NRG3: variants seen among roughly 807,000 people sequenced by gnomAD.
NRG3 encodes the protein neuregulin 3.
A neutral mutation model predicts 66.9 loss-of-function variants in NRG3; 31 were observed. The ratio of observed to expected loss-of-function variants is 0.46; its 90% CI spans 0.35 to 0.63. The LOEUF (loss-of-function observed/expected upper bound fraction) is 0.63, where lower values mean the gene tolerates loss of function less well. Ranked by LOEUF, NRG3 falls within the 20% of genes least tolerant of loss-of-function variation. NRG3 has a pLI of 0.00. For synonymous variants in NRG3, 393 were observed against 359.4 expected (o/e 1.09, Z -1.06); for missense variants, 910 against 878.9 (o/e 1.04, Z -0.45).
Position 82,922,306 on chromosome 10 carries a change from C to T in NRG3, c.1055-29163C>T, listed in dbSNP as rs115305589. Among the ~76,000 whole-genome samples, 1,260 of 152,246 alleles carry T rather than the reference C, an allele frequency of 8.3e-3. 19 individuals carry two copies. Among genetic ancestry groups the T allele is most frequent in the African/African-American group, 0.029 (1,217 of 41,550 alleles). On this transcript the variant is annotated intron_variant, in intron 4 of 8. Coordinates refer to ENST00000372141, the MANE Select transcript of NRG3 (RefSeq NM_001010848.4). ...GGTTTTACTGTTTAAGTTTTACTTCCTATTTCTCCTGAGAGTATAGAATGG... is the reference window on the plus strand; with the variant it reads ...GGTTTTACTGTTTAAGTTTTACTTCTTATTTCTCCTGAGAGTATAGAATGG...
chr10:81,973,386 TA>T (rs2060002030), intron 1 of NRG3, among the ~76,000 whole-genome samples: 1 of 152,230 alleles, frequency 6.6e-6, no homozygotes, highest in African/African-American at 2.4e-5. Flanking sequence ...CATATGGCTT[TA>T]TAATAGAATG....
chr10:82,522,423 C>T (rs1457668894), intron 2 of NRG3, among the ~76,000 whole-genome samples: 1 of 152,074 alleles, frequency 6.6e-6, no homozygotes, highest in Non-Finnish European at 1.5e-5. Flanking sequence ...TTGTTTTCCA[C>T]CTTCTAAGTA....
At chr10:81,905,837 A>G (rs1047746411) in intron 1 of NRG3, among the ~76,000 whole-genome samples, 5 of 152,190 alleles carry the variant, frequency 3.3e-5, no homozygotes, top group Non-Finnish European at 5.9e-5. Context: ...TGTTTTTTGC[A>G]TAATTGGAAT....
At chr10:82,730,305 C>G (rs1430759917) in intron 2 of NRG3, among the ~76,000 whole-genome samples, 1 of 151,802 alleles carries the variant, frequency 6.6e-6, no homozygotes, top group Non-Finnish European at 1.5e-5. Flanking sequence ...AGGATGGTCT[C>G]GATCTCCTGA....
chr10:82,225,264 G>T (rs909435270), intron 1 of NRG3: 1 of 152,148 alleles, frequency 6.6e-6, no homozygotes, highest in Non-Finnish European at 1.5e-5. Flanking sequence ...AATATCATTT[G>T]CAAGGAAAGA....
chr10:82,537,754 A>G (rs1161737975), intron 2 of NRG3, among the ~76,000 whole-genome samples: 4 of 152,282 alleles, frequency 2.6e-5, no homozygotes, highest in East Asian at 3.9e-4. Flanking sequence ...AATGGTATTA[A>G]TATATCCTAT....
At position 82,236,710 on chromosome 10, in the gene NRG3, CTTTTTTTT is replaced by C. The variant is rs370359467; in HGVS notation, c.824-122013_824-122006del. Among the ~76,000 whole-genome samples, 4 of 93,516 alleles carry C rather than the reference CTTTTTTTT, an allele frequency of 4.3e-5. No individual in the cohort carries two copies. The East Asian group carries it at 1.4e-3, about 33-fold the overall frequency. 61.4% of individuals were successfully genotyped at this position (93,516 alleles called of 152,430 possible). On this transcript the variant is annotated intron_variant, in intron 1 of 8. Transcript: ENST00000372141. ...CTCCTTCTCCATATGAAAACTAGAA[CTTTTTTTT>C]TTTTTTTTTTTTTTTGAGACAGAGT...
chr10:82,271,605 C>T (rs1480035353), intron 1 of NRG3, among the ~76,000 whole-genome samples: 3 of 151,812 alleles, frequency 2.0e-5, no homozygotes, highest in Non-Finnish European at 4.4e-5. Flanking sequence ...ACTACAACTA[C>T]TAACTAATTA....
intron 1 of NRG3, among the ~76,000 whole-genome samples, chr10:82,133,128 ATTTC>A (rs1474574454): frequency 6.7e-6 from 1 of 150,308 alleles, no homozygotes; most frequent in East Asian, 2.0e-4. Context: ...TTGCTTTTCT[ATTTC>A]TTTAAAATGC....
intron 2 of NRG3, among the ~76,000 whole-genome samples, chr10:82,512,260 C>T (rs587067): frequency 0.35 from 52,898 of 151,146 alleles, 10,387 homozygotes; most frequent in African/African-American, 0.53. Context: ...ATTCCATACA[C>T]GTATAATTTA....
chr10:82,813,211 CTTTTT>C (rs58875697), intron 3 of NRG3, among the ~76,000 whole-genome samples: 6 of 112,136 alleles, frequency 5.4e-5, no homozygotes, highest in Admixed American at 1.0e-4. Context: ...CTCTGTTTCT[CTTTTT>C]TTTTTTTTTT....
chr10:82,480,272 G>A (rs1219822681), intron 2 of NRG3, among the ~76,000 whole-genome samples: 1 of 152,124 alleles, frequency 6.6e-6, no homozygotes, highest in Non-Finnish European at 1.5e-5. Context: ...CTTAACATTA[G>A]ATTTGTGGTA....
intron 2 of NRG3, among the ~76,000 whole-genome samples, chr10:82,619,085 T>C (rs1429145685): frequency 6.6e-6 from 1 of 152,290 alleles, no homozygotes; most frequent in East Asian, 1.9e-4. Context: ...TTATCTATCA[T>C]GTTGGGCCAA....
At chr10:82,294,848 A>C (rs2079968818) in intron 1 of NRG3, among the ~76,000 whole-genome samples, 1 of 152,306 alleles carries the variant, frequency 6.6e-6, no homozygotes, top group African/African-American at 2.4e-5. Context: ...GCTACAGACA[A>C]ATCAATAGCC....
rs1271461672 is a variant in NRG3 at position 82,763,426 on chromosome 10, A to T, written c.1027+24776A>T. ...GATAATTATCTAAAATAAATTGACA[A>T]ATATCAAAATAGCAATAGAATTATA... On this transcript the variant is annotated intron_variant, in intron 3 of 8. Transcript: ENST00000372141. Among the ~76,000 whole-genome samples the T allele has an allele frequency of 2.0e-5, 3 of 152,222 alleles. 1 individual carries two copies. Among genetic ancestry groups the T allele is most frequent in the Non-Finnish European group, 4.4e-5 (3 of 68,030 alleles).
At chr10:82,343,311 C>T (rs576273801) in intron 1 of NRG3, among the ~76,000 whole-genome samples, 2 of 151,978 alleles carry the variant, frequency 1.3e-5, no homozygotes, top group South Asian at 2.1e-4. Flanking sequence ...TATTTACAAT[C>T]GTTACAAAAA....
At chr10:82,668,474 G>T (rs981173962) in intron 2 of NRG3, among the ~76,000 whole-genome samples, 1 of 152,142 alleles carries the variant, frequency 6.6e-6, no homozygotes, top group South Asian at 2.1e-4. Flanking sequence ...TCCCCTATGA[G>T]TCATGAGTCT....
At position 82,015,753 on chromosome 10, in the gene NRG3, C is replaced by T. The variant is rs557797307; in HGVS notation, c.823+139590C>T. 8.4e-4 allele frequency among the ~76,000 whole-genome samples: 128 copies of T among 151,902 alleles called. 1 individual carries two copies. The Middle Eastern group carries it at 0.02, about 24-fold the overall frequency. On this transcript the variant is annotated intron_variant, in intron 1 of 8. Coordinates refer to ENST00000372141, the MANE Select transcript of NRG3 (RefSeq NM_001010848.4). The stretch of plus-strand genomic sequence containing the variant: ...GAAAATGGGCTAATACATCTGTCTT[C>T]ACTATTTACTAGTTATAAGGCTAGT...
intron 1 of NRG3, among the ~76,000 whole-genome samples, chr10:82,051,446 T>A (rs958093574): frequency 1.3e-5 from 2 of 152,122 alleles, no homozygotes; most frequent in Non-Finnish European, 1.5e-5. Flanking sequence ...CCATCACTGC[T>A]CCTACCTGAA....
Sources: allele counts gnomAD v4.1 joint callset (sites outside exome capture counted in the v4.1 genomes callset), GRCh38; gene constraint gnomAD v4.1.1; transcripts MANE v1.5; gene names NCBI Gene and HGNC (gene_info 2026-07-23, HGNC 2026-07-21).